The following FLT1 variants were observed in gnomAD, a reference collection of about 807,000 sequenced individuals.
FLT1 encodes the protein vascular endothelial growth factor receptor 1.
In FLT1, 49 loss-of-function variants were observed where a neutral mutation model predicts 156.3. That is an observed-to-expected ratio of 0.31 (90% CI 0.25 to 0.40). FLT1 has a LOEUF of 0.40. Among genes scored for constraint, FLT1 ranks in the 10% least tolerant of loss-of-function variants. FLT1 has a pLI of 1.00. For synonymous variants in FLT1, 594 were observed against 583.8 expected, an observed-to-expected ratio of 1.02 and a Z score of -0.25; for missense variants, 1,322 against 1,637.2, an observed-to-expected ratio of 0.81 and a Z score of 3.32.
intron 10 of FLT1, among the ~76,000 whole-genome samples, chr13:28,422,168 A>G (rs1278361878): frequency 1.3e-5 from 2 of 152,254 alleles, no homozygotes; most frequent in African/African-American, 4.8e-5. Context: ...ATTGAATATC[A>G]GTGACGTGCC....
intron 10 of FLT1, among the ~76,000 whole-genome samples, chr13:28,406,979 CCA>C (rs1282725868): frequency 2.0e-5 from 3 of 152,078 alleles, no homozygotes; most frequent in Non-Finnish European, 4.4e-5. Flanking sequence ...AGAAGGAACT[CCA>C]GAGTGTTAAA....
intron 10 of FLT1, among the ~76,000 whole-genome samples, chr13:28,407,599 C>A (rs897192099): frequency 6.6e-6 from 1 of 152,004 alleles, no homozygotes; most frequent in East Asian, 1.9e-4. Flanking sequence ...GCACCTAAAC[C>A]GTATATCAGA....
chr13:28,391,936 A>T (rs577287417), intron 12 of FLT1, among the ~76,000 whole-genome samples: 1 of 152,216 alleles, frequency 6.6e-6, no homozygotes, highest in Non-Finnish European at 1.5e-5. Context: ...ATTTGAGCAA[A>T]GAATTTGGGC....
rs761254405 is a variant in FLT1 at position 28,431,359 on chromosome 13, T to C, written c.814-49A>G. 3 of 1,288,324 alleles carry C rather than the reference T, an allele frequency of 2.3e-6. No homozygotes were observed. In the African/African-American group the frequency reaches 4.4e-5, roughly 19 times the overall value. The allele number at this position is 1,288,324 out of a possible 1,614,324, so 79.8% of individuals were successfully genotyped here. A position where few individuals can be genotyped will look rare whatever the true frequency, so the allele number is the denominator to read the frequency against. On this transcript the variant is annotated intron_variant, in intron 6 of 29. Coordinates refer to ENST00000282397, the MANE Select transcript of FLT1 (RefSeq NM_002019.4). ...TGTAGAAGGAGTGAGTGTTCATGCT[T>C]AAAGTTATATAGGATTTTAACATTT...
intron 1 of FLT1, among the ~76,000 whole-genome samples, chr13:28,479,444 C>T (rs1258300886): frequency 6.6e-6 from 1 of 152,120 alleles, no homozygotes; most frequent in Non-Finnish European, 1.5e-5. Flanking sequence ...TCTAATTTCA[C>T]ATTTTCTTAA....
chr13:28,410,386 G>C (rs191552578), intron 10 of FLT1, among the ~76,000 whole-genome samples: 1 of 152,294 alleles, frequency 6.6e-6, no homozygotes. Context: ...AGAATTGGGT[G>C]GGATGGTTCA....
intron 14 of FLT1, among the ~76,000 whole-genome samples, chr13:28,370,793 T>C (rs1295551450): frequency 2.6e-5 from 4 of 152,236 alleles, no homozygotes; most frequent in Non-Finnish European, 4.4e-5. Context: ...CAATTAATCC[T>C]TGTGCTATGT....
At chr13:28,388,465 T>A (rs963882419) in intron 13 of FLT1, 78 of 1,009,902 alleles carry the variant, frequency 7.7e-5, no homozygotes, top group East Asian at 4.1e-4. Context: ...TTTTTTTTTT[T>A]AAATAGTTTA....
intron 1 of FLT1, among the ~76,000 whole-genome samples, chr13:28,474,171 A>T (rs779551656): frequency 3.3e-5 from 5 of 151,216 alleles, no homozygotes; most frequent in Non-Finnish European, 5.9e-5. Flanking sequence ...AAAACAAAAA[A>T]CAGGCCGGGC....
intron 10 of FLT1, among the ~76,000 whole-genome samples, chr13:28,406,898 A>C (rs556088146): frequency 1.3e-5 from 2 of 152,334 alleles, no homozygotes; most frequent in Non-Finnish European, 2.9e-5. Flanking sequence ...GTCAGTGAGA[A>C]AAAGGGGAAG....
intron 1 of FLT1, among the ~76,000 whole-genome samples, chr13:28,480,025 C>T (rs537414332): frequency 1.3e-5 from 2 of 152,258 alleles, no homozygotes; most frequent in African/African-American, 4.8e-5. Context: ...TGCCCAATGC[C>T]GAAGCTGCTC....
intron 1 of FLT1, among the ~76,000 whole-genome samples, chr13:28,484,927 G>A (rs575330735): frequency 8.4e-5 from 12 of 142,786 alleles, no homozygotes; most frequent in Admixed American, 7.2e-4. Context: ...TGTAACTCCT[G>A]TTGTGGTGTG....
At chr13:28,364,507 C>T (rs1314284250) in intron 14 of FLT1, among the ~76,000 whole-genome samples, 2 of 152,154 alleles carry the variant, frequency 1.3e-5, no homozygotes, top group Admixed American at 6.5e-5. Context: ...AGAAAGTATA[C>T]TTTCTTCATA....
intron 14 of FLT1, among the ~76,000 whole-genome samples, chr13:28,372,048 G>GTGTGTGTGTA (rs1288888215): frequency 6.6e-5 from 5 of 75,588 alleles, no homozygotes; most frequent in Non-Finnish European, 1.2e-4. Flanking sequence ...GTGTGTGTGT[G>GTGTGTGTGTA]TATATATATA....
At chr13:28,387,588 G>A (rs1188138735) in intron 13 of FLT1, 1 of 1,064,346 alleles carries the variant, frequency 9.4e-7, no homozygotes, top group Middle Eastern at 4.2e-4. Context: ...CCAGAGATCT[G>A]CCAGGTCACA....
chr13:28,386,976 C>A, intron 13 of FLT1: 16 of 1,042,500 alleles, frequency 1.5e-5, no homozygotes, highest in Non-Finnish European at 1.9e-5. Flanking sequence ...GAATACAGAG[C>A]CCACAACACT....
At chr13:28,347,006 T>A (rs1872589734) in intron 15 of FLT1, among the ~76,000 whole-genome samples, 1 of 152,068 alleles carries the variant, frequency 6.6e-6, no homozygotes, top group South Asian at 2.1e-4. Flanking sequence ...TGAGGGACAG[T>A]TGCCACTCTC....
rs1326610724 is a variant in FLT1 at position 28,473,794 on chromosome 13, GA to G, written c.65-6178del. Reference sequence around the variant, plus strand: ...GGAAGGAAGGAAAGAAAGAAAGAAAGAAAGAAAGAAAGAAAGAAAGAAAGAA... The same window carrying G: ...GGAAGGAAGGAAAGAAAGAAAGAAAGAAGAAAGAAAGAAAGAAAGAAAGAA... On this transcript the variant is annotated intron_variant, in intron 1 of 29. Coordinates refer to ENST00000282397, the MANE Select transcript of FLT1 (RefSeq NM_002019.4). Among the ~76,000 whole-genome samples the G allele has an allele frequency of 6.0e-3, 688 of 115,192 alleles. 8 individuals are homozygous for G. Among genetic ancestry groups the G allele is most frequent in the African/African-American group, 0.023 (651 of 28,126 alleles). 75.6% of individuals were successfully genotyped at this position (115,192 alleles called of 152,430 possible).
chr13:28,433,031 G>T (rs1877791015), intron 6 of FLT1, among the ~76,000 whole-genome samples: 1 of 152,162 alleles, frequency 6.6e-6, no homozygotes, highest in African/African-American at 2.4e-5. Context: ...CTAGCTTGAG[G>T]CTGATGCATT....
Sources: gnomAD v4.1 joint callset for allele counts (sites outside exome capture counted in the v4.1 genomes callset) on GRCh38, gnomAD v4.1.1 for gene constraint, MANE v1.5 for transcripts, NCBI Gene and HGNC (gene_info 2026-07-23, HGNC 2026-07-21) for gene names.